DYNC2H1: variants seen among roughly 807,000 people sequenced by gnomAD.
DYNC2H1 encodes the protein cytoplasmic dynein 2 heavy chain 1.
Under a neutral mutation model 570.0 loss-of-function variants are expected in DYNC2H1, and 410 were observed. That is an observed-to-expected ratio of 0.72 (90% CI 0.66 to 0.78). The LOEUF (loss-of-function observed/expected upper bound fraction) is 0.78. Ranked by LOEUF, DYNC2H1 falls within the 30% of genes least tolerant of loss-of-function variation. DYNC2H1 has a pLI of 0.00. For missense variants in DYNC2H1, 4,865 were observed against 5,046.4 expected (o/e 0.96, Z 1.09); for synonymous variants, 1,688 against 1,677.6 (o/e 1.01, Z -0.15).
intron 82 of DYNC2H1, among the ~76,000 whole-genome samples, chr11:103,339,388 T>G (rs779278003): frequency 6.6e-6 from 1 of 152,274 alleles, no homozygotes; most frequent in Non-Finnish European, 1.5e-5. Context: ...TATCAAGTGG[T>G]GAGTTCTGCT....
chr11:103,234,975 C>CT (rs142863438), intron 61 of DYNC2H1, among the ~76,000 whole-genome samples: 7,541 of 151,822 alleles, frequency 0.05, 250 homozygotes, highest in Non-Finnish European at 0.072. Context: ...TGCAAATATT[C>CT]TTTATATTTG....
At position 103,156,437 on chromosome 11, in the gene DYNC2H1, G is replaced by T. The variant is rs200635842; in HGVS notation, c.3794G>T (p.Arg1265Leu). The T allele has an allele frequency of 5.4e-5, 87 of 1,613,632 alleles. No homozygotes were observed. The African/African-American group carries it at 1.0e-3, about 19-fold the overall frequency. ...QGEVTIREAL[R>L]ELDLWGVGAV... ...GAAGTTACAATCAGAGAAGCTTTAC[G>T]TGAACTTGATCTTTGGGGAGTTGGA... The change falls in exon 26 of 89, where the codon CGT becomes CTT. Residue 1265 changes from arginine (R) to leucine (L), a missense_variant. Transcript: ENST00000375735.
chr11:103,433,740 T>C (rs1943972479), intron 84 of DYNC2H1, among the ~76,000 whole-genome samples: 1 of 152,154 alleles, frequency 6.6e-6, no homozygotes, highest in African/African-American at 2.4e-5. Context: ...AGGGATAAAA[T>C]TGTCATTTAA....
At chr11:103,120,409 A>C in intron 6 of DYNC2H1, 38 bp from the exon 7 acceptor site, 1 of 1,526,588 alleles carries the variant, frequency 6.6e-7, no homozygotes, top group Non-Finnish European at 8.9e-7. Flanking sequence ...AAATGGTTGG[A>C]TTTAAATAAA....
chr11:103,368,856 T>G (rs1333937341), intron 83 of DYNC2H1, among the ~76,000 whole-genome samples: 1 of 152,174 alleles, frequency 6.6e-6, no homozygotes, highest in Non-Finnish European at 1.5e-5. Flanking sequence ...ATGTGTGTTC[T>G]TGGGACCTTT....
intron 87 of DYNC2H1, among the ~76,000 whole-genome samples, chr11:103,463,903 G>A (rs1294683628): frequency 1.3e-5 from 2 of 152,180 alleles, no homozygotes; most frequent in Admixed American, 6.5e-5. Flanking sequence ...GAGATCTGCA[G>A]TATCCCAACA....
intron 83 of DYNC2H1, among the ~76,000 whole-genome samples, chr11:103,387,454 C>T (rs1228270023): frequency 6.6e-6 from 1 of 152,118 alleles, no homozygotes; most frequent in Non-Finnish European, 1.5e-5. Context: ...TGTCAGTTGC[C>T]TGTTCTCTCT....
At chr11:103,454,315 C>T (rs1325801894) in intron 85 of DYNC2H1, among the ~76,000 whole-genome samples, 1 of 152,024 alleles carries the variant, frequency 6.6e-6, no homozygotes, top group African/African-American at 2.4e-5. Flanking sequence ...ACTATAGTAC[C>T]ATCTCTGTGC....
chr11:103,411,399 T>G (rs888279212), intron 84 of DYNC2H1, among the ~76,000 whole-genome samples: 19 of 151,944 alleles, frequency 1.3e-4, no homozygotes, highest in African/African-American at 4.3e-4. Flanking sequence ...TTAGTAGGGT[T>G]TTCAGATTGT....
chr11:103,152,163 G>T lies in DYNC2H1; in HGVS notation c.2974G>T (p.Asp992Tyr). The T allele has an allele frequency of 6.2e-7, 1 of 1,602,068 alleles. No individual in the cohort carries two copies. Among genetic ancestry groups the T allele is most frequent in the African/African-American group, 1.4e-5 (1 of 73,514 alleles). ...EILPLFQEAEDKNRLLRTVAG... is the reference protein window; with the variant it reads ...EILPLFQEAEYKNRLLRTVAG... ...TTTGCCCTTATTTCAAGAAGCTGAA[G>T]ACAAAAACAGACTTTTACGAACTGT... The change falls in exon 21 of 89, where the codon GAC becomes TAC. Residue 992 changes from aspartate (D) to tyrosine (Y), a missense_variant. Asp to Tyr is a radical substitution (Grantham distance 160, BLOSUM62 -3). This residue lies in a region of DYNC2H1 where 1,936 missense variants were observed against 1,962.1 expected (regional missense o/e 0.99). Coordinates refer to ENST00000375735, the MANE Select transcript of DYNC2H1 (RefSeq NM_001377.3).
At chr11:103,440,407 G>A (rs550562279) in intron 85 of DYNC2H1, among the ~76,000 whole-genome samples, 2 of 152,094 alleles carry the variant, frequency 1.3e-5, no homozygotes, top group Admixed American at 6.6e-5. Context: ...GATCCACAGT[G>A]ACGACTTGAA....
intron 18 of DYNC2H1, among the ~76,000 whole-genome samples, chr11:103,146,100 T>C (rs1860227809): frequency 6.6e-6 from 1 of 152,228 alleles, no homozygotes; most frequent in Non-Finnish European, 1.5e-5. Flanking sequence ...CTGTTATATA[T>C]AGCTTTTGGT....
At chr11:103,234,756 G>GTT (rs928035381) in intron 61 of DYNC2H1, among the ~76,000 whole-genome samples, 2 of 151,630 alleles carry the variant, frequency 1.3e-5, no homozygotes, top group African/African-American at 4.9e-5. Context: ...AGACTACTGA[G>GTT]TTTTAAATGT....
chr11:103,253,020 G>A (rs1211621362), intron 65 of DYNC2H1, among the ~76,000 whole-genome samples: 2 of 152,146 alleles, frequency 1.3e-5, no homozygotes, highest in African/African-American at 2.4e-5. Context: ...ACATATTAAT[G>A]TTAAAACCAT....
chr11:103,454,590 T>C (rs941649632), intron 85 of DYNC2H1, among the ~76,000 whole-genome samples: 1 of 152,188 alleles, frequency 6.6e-6, no homozygotes, highest in East Asian at 1.9e-4. Context: ...GGAAAGCATA[T>C]AGTAAGTGTT....
chr11:103,390,055 G>A (rs1486204161), intron 83 of DYNC2H1, among the ~76,000 whole-genome samples: 10 of 152,054 alleles, frequency 6.6e-5, no homozygotes, highest in South Asian at 2.1e-4. Context: ...ATATCCTTGC[G>A]AAATTTCTGT....
Position 103,157,485 on chromosome 11 carries a change from T to C in DYNC2H1, c.4127+715T>C, listed in dbSNP as rs1013115979. Among the ~76,000 whole-genome samples, 7 of 152,256 alleles carry C rather than the reference T, an allele frequency of 4.6e-5. No individual in the cohort carries two copies. The highest frequency in any genetic ancestry group is 1.7e-4 in the African/African-American group (7 of 41,466). On this transcript the variant is annotated intron_variant, in intron 26 of 88. Transcript: ENST00000375735. The surrounding 1 kb of genome is among the most constrained non-coding windows in gnomAD (Gnocchi z 4.2). ...ATTTCAATAAATGGCCCAACCTAAT[T>C]GCTGAAAGCAGAGACATGATGGATA...
chr11:103,424,958 C>G (rs1943615855), intron 84 of DYNC2H1, among the ~76,000 whole-genome samples: 1 of 152,130 alleles, frequency 6.6e-6, no homozygotes, highest in African/African-American at 2.4e-5. Flanking sequence ...TTTGTAGAGA[C>G]AGGGTCTCAC....
At chr11:103,428,194 T>TTG (rs1943744267) in intron 84 of DYNC2H1, among the ~76,000 whole-genome samples, 1 of 150,636 alleles carries the variant, frequency 6.6e-6, no homozygotes. Context: ...GCTTTTTTTT[T>TTG]TTTTTTCAGA....
Sources: gnomAD v4.1 joint callset for allele counts (sites outside exome capture counted in the v4.1 genomes callset) on GRCh38, gnomAD v4.1.1 for gene constraint, gnomAD v4.1.1 regional missense constraint, Gnocchi (gnomAD v3.1) non-coding constraint, MANE v1.5 for transcripts, NCBI Gene and HGNC (gene_info 2026-07-23, HGNC 2026-07-21) for gene names.